Variants in MEIKIN observed in about 807,000 individuals in gnomAD.
MEIKIN encodes the protein meiotic kinetochore factor.
intron 11 of MEIKIN, among the ~76,000 whole-genome samples, chr5:131,833,001 A>G (rs1487620002): frequency 6.6e-6 from 1 of 152,240 alleles, no homozygotes; most frequent in Non-Finnish European, 1.5e-5. Flanking sequence ...CTTGGGGATT[A>G]ACATTTGGAT....
intron 9 of MEIKIN, among the ~76,000 whole-genome samples, chr5:131,864,202 T>C (rs1483693063): frequency 1.3e-5 from 2 of 152,198 alleles, no homozygotes; most frequent in Non-Finnish European, 2.9e-5. Flanking sequence ...CCTGTTATAT[T>C]CTTAATTGTT....
intron 11 of MEIKIN, among the ~76,000 whole-genome samples, chr5:131,836,508 G>A (rs1749810191): frequency 6.6e-6 from 1 of 152,046 alleles, no homozygotes; most frequent in African/African-American, 2.4e-5. Flanking sequence ...ATTTACACTC[G>A]CAATAACAGT....
intron 9 of MEIKIN, among the ~76,000 whole-genome samples, chr5:131,876,082 T>C (rs1750607531): frequency 6.6e-6 from 1 of 152,188 alleles, no homozygotes. Context: ...GATGTAGGCA[T>C]GGGCAAGGAC....
At chr5:131,897,564 C>T (rs1751074349) in intron 8 of MEIKIN, among the ~76,000 whole-genome samples, 1 of 152,158 alleles carries the variant, frequency 6.6e-6, no homozygotes, top group South Asian at 2.1e-4. Flanking sequence ...GTCCCAGAAG[C>T]CTCTTGGAGG....
intron 11 of MEIKIN, among the ~76,000 whole-genome samples, chr5:131,830,910 T>C (rs1282737916): frequency 6.6e-6 from 1 of 152,108 alleles, no homozygotes; most frequent in African/African-American, 2.4e-5. Context: ...TTGGTTTTTT[T>C]TTTTTTAGAC....
intron 8 of MEIKIN, among the ~76,000 whole-genome samples, chr5:131,894,621 T>C (rs1400978753): frequency 3.9e-5 from 6 of 152,208 alleles, no homozygotes; most frequent in Non-Finnish European, 7.3e-5. Context: ...TTGCATCCCT[T>C]GTAAGTTGGA....
chr5:131,844,127 G>C (rs1421474565), intron 11 of MEIKIN, among the ~76,000 whole-genome samples: 5 of 152,094 alleles, frequency 3.3e-5, no homozygotes. Flanking sequence ...GATCTCGTGA[G>C]CATTCACTCA....
chr5:131,858,652 C>A (rs994002028), intron 9 of MEIKIN, among the ~76,000 whole-genome samples: 1 of 152,124 alleles, frequency 6.6e-6, no homozygotes, highest in Non-Finnish European at 1.5e-5. Context: ...AGACAACCTA[C>A]AAAATGGGAG....
At chr5:131,836,548 C>T (rs111497805) in intron 11 of MEIKIN, among the ~76,000 whole-genome samples, 186 of 152,304 alleles carry the variant, frequency 1.2e-3, no homozygotes, top group African/African-American at 4.0e-3. Context: ...TCCACAACCT[C>T]ATCAGCATCT....
chr5:131,915,956 G>A (rs1428688817), intron 7 of MEIKIN, among the ~76,000 whole-genome samples: 1 of 151,960 alleles, frequency 6.6e-6, no homozygotes, highest in Non-Finnish European at 1.5e-5. Flanking sequence ...CAATACATAG[G>A]CAACAGTCAT....
chr5:131,819,586 T>C (rs540854981), intron 11 of MEIKIN, among the ~76,000 whole-genome samples: 53 of 143,280 alleles, frequency 3.7e-4, no homozygotes, highest in African/African-American at 1.3e-3. Context: ...ATAAAGTCTA[T>C]ATAGAAACTT....
At chr5:131,872,681 C>T (rs1368391177) in intron 9 of MEIKIN, among the ~76,000 whole-genome samples, 2 of 152,062 alleles carry the variant, frequency 1.3e-5, no homozygotes, top group Non-Finnish European at 2.9e-5. Flanking sequence ...AGAGCAACTC[C>T]AAGACACATA....
chr5:131,888,803 G>T (rs1750849300), intron 8 of MEIKIN, among the ~76,000 whole-genome samples: 1 of 152,126 alleles, frequency 6.6e-6, no homozygotes, highest in Non-Finnish European at 1.5e-5. Flanking sequence ...CGTCCTGAAT[G>T]GTATTGCCTA....
In MEIKIN at chr5:131,895,078, T is replaced by C. The variant is rs368349691; in HGVS notation, c.704-16030A>G. The stretch of plus-strand genomic sequence containing the variant: ...GTACATTCCATGAATACCTAGTTTA[T>C]TGAAAATTTTTAGCATGAAGGGCTG... On this transcript the variant is annotated intron_variant, in intron 8 of 12. Coordinates refer to ENST00000442687, the MANE Select transcript of MEIKIN (RefSeq NM_001303622.2). Among the ~76,000 whole-genome samples, 201 of 152,328 alleles carry C rather than the reference T, an allele frequency of 1.3e-3. 4 individuals carry two copies. The South Asian group carries it at 0.018, about 14-fold the overall frequency.
chr5:131,933,461 A>G (rs1751721380), intron 5 of MEIKIN, 52 bp downstream of exon 5: 1 of 395,088 alleles, frequency 2.5e-6, no homozygotes. Flanking sequence ...ATTTGTGGAC[A>G]AAAGAATAAT....
At chr5:131,924,047 T>G (rs555029730) in intron 5 of MEIKIN, among the ~76,000 whole-genome samples, 2 of 152,248 alleles carry the variant, frequency 1.3e-5, no homozygotes, top group South Asian at 4.1e-4. Flanking sequence ...AGTTTGGCTC[T>G]TTTAGATAAC....
chr5:131,916,992 A>G, intron 6 of MEIKIN, 67 bp from the exon 7 acceptor site: 1 of 392,550 alleles, frequency 2.5e-6, no homozygotes, highest in Non-Finnish European at 4.5e-6. Context: ...GTAAAAATGA[A>G]TATTTTCCCC....
chr5:131,895,070 CTAGT>C (rs1751010826), intron 8 of MEIKIN, among the ~76,000 whole-genome samples: 1 of 152,028 alleles, frequency 6.6e-6, no homozygotes, highest in African/African-American at 2.4e-5. Flanking sequence ...CCATGAATAC[CTAGT>C]TTATTGAAAA....
At chr5:131,932,158 A>G (rs1180589534) in intron 5 of MEIKIN, among the ~76,000 whole-genome samples, 1 of 152,222 alleles carries the variant, frequency 6.6e-6, no homozygotes, top group African/African-American at 2.4e-5. Context: ...GGTGGAAATA[A>G]GCATTGGGTG....
Sources: gnomAD v4.1 joint callset for allele counts (sites outside exome capture counted in the v4.1 genomes callset) on GRCh38, gnomAD v4.1.1 for gene constraint, MANE v1.5 for transcripts, NCBI Gene and HGNC (gene_info 2026-07-23, HGNC 2026-07-21) for gene names.